GSTM2: variants seen among roughly 807,000 people sequenced by gnomAD.
GSTM2 encodes the protein glutathione S-transferase mu 2.
In GSTM2, 33 loss-of-function variants were observed where a neutral mutation model predicts 33.3. The observed-to-expected ratio is 0.99, with a 90% confidence interval of 0.75 to 1.33. GSTM2 has a LOEUF of 1.33. Among genes scored for constraint, GSTM2 ranks in the 40% most tolerant of loss-of-function variants. The pLI, the probability that GSTM2 is intolerant of heterozygous loss-of-function variation, is 0.00. For missense variants in GSTM2, 213 were observed against 265.8 expected, an observed-to-expected ratio of 0.80 and a Z score of 1.38; for synonymous variants, 93 against 95.6, an observed-to-expected ratio of 0.97 and a Z score of 0.16.
downstream of GSTM2, among the ~76,000 whole-genome samples, chr1:109,676,176 C>T (rs1570631759): frequency 4.6e-5 from 7 of 152,286 alleles, 1 homozygote; most frequent in East Asian, 1.4e-3. Context: ...GGGATTATTA[C>T]AATTCAAGGT....
chr1:109,678,144 C>T (rs1647750804), downstream of GSTM2, among the ~76,000 whole-genome samples: 1 of 152,060 alleles, frequency 6.6e-6, no homozygotes, highest in African/African-American at 2.4e-5. Context: ...TTCTCTTTAA[C>T]ATTTTACTTC....
At chr1:109,669,963 C>T (rs1319856697) in intron 5 of GSTM2, 2 of 180,182 alleles carry the variant, frequency 1.1e-5, no homozygotes, top group East Asian at 2.8e-4. Flanking sequence ...AATGTTATAG[C>T]TCATAAAGGT....
intron 5 of GSTM2, 99 bp from the exon 6 acceptor site, chr1:109,671,188 G>T: frequency 6.2e-6 from 5 of 800,846 alleles, no homozygotes. Flanking sequence ...GAAGATGACT[G>T]CTTGCCCGCG....
intron 7 of GSTM2, among the ~76,000 whole-genome samples, chr1:109,674,077 C>T (rs1033806958): frequency 4.6e-5 from 7 of 152,156 alleles, no homozygotes; most frequent in African/African-American, 1.7e-4. Flanking sequence ...AGCCTAGTCT[C>T]GCCTTTGATT....
chr1:109,673,062 G>T (rs148093404), intron 7 of GSTM2: 9 of 902,912 alleles, frequency 1.0e-5, no homozygotes, highest in Admixed American at 2.1e-5. Context: ...TAGAGATGGG[G>T]TTTTGCTATG....
chr1:109,678,770 A>G (rs1356431023), downstream of GSTM2, among the ~76,000 whole-genome samples: 1 of 152,004 alleles, frequency 6.6e-6, no homozygotes, highest in East Asian at 1.9e-4. Flanking sequence ...AAAAAAAAAA[A>G]AAAAACAAAC....
downstream of GSTM2, among the ~76,000 whole-genome samples, chr1:109,678,992 G>A (rs537290082): frequency 1.8e-4 from 28 of 152,142 alleles, no homozygotes; most frequent in South Asian, 3.7e-3. Flanking sequence ...TCCCCAAAGC[G>A]CTTACTACAA....
rs538541961 is a variant in GSTM2 at position 109,674,189 on chromosome 1, G to A, written c.568-558G>A. On this transcript the variant is annotated intron_variant, in intron 7 of 7. Transcript: ENST00000241337. ...CTTTGTTCTGCTGGAGGTCCCTTCT[G>A]TGTCTCTATACCCAGACAAGCCAAG... Among the ~76,000 whole-genome samples the A allele has an allele frequency of 3.3e-5, 5 of 152,218 alleles. No homozygotes were observed. In the East Asian group the frequency reaches 7.7e-4, roughly 24 times the overall value.
intron 7 of GSTM2, among the ~76,000 whole-genome samples, 153 bp downstream of exon 7, chr1:109,671,736 G>A (rs1372315696): frequency 6.6e-6 from 1 of 152,176 alleles, no homozygotes; most frequent in Admixed American, 6.5e-5. Context: ...GGAGGCTGAG[G>A]GAGGCAGATC....
At chr1:109,668,802 T>C in intron 2 of GSTM2, 123 bp from the exon 3 acceptor site, 1 of 1,137,130 alleles carries the variant, frequency 8.8e-7, no homozygotes, top group Non-Finnish European at 1.3e-6. Context: ...GATGTGGGAC[T>C]GAGTGGTCAG....
downstream of GSTM2, among the ~76,000 whole-genome samples, chr1:109,676,738 T>C (rs1336058217): frequency 1.3e-5 from 2 of 152,208 alleles, no homozygotes; most frequent in Non-Finnish European, 2.9e-5. Context: ...GGTTGATCTC[T>C]TCTTGATTCA....
At chr1:109,668,809 T>A in intron 2 of GSTM2, 116 bp from the exon 3 acceptor site, 1 of 1,220,312 alleles carries the variant, frequency 8.2e-7, no homozygotes. Context: ...GACTGAGTGG[T>A]CAGATTCTAG....
chr1:109,671,973 G>GAAAAAAAAAAAAAAAA (rs34285855), intron 7 of GSTM2, among the ~76,000 whole-genome samples: 1 of 76,386 alleles, frequency 1.3e-5, no homozygotes, highest in Non-Finnish European at 2.4e-5. Flanking sequence ...TCCATCTCAA[G>GAAAAAAAAAAAAAAAA]AAAAAAAAAA....
intron 2 of GSTM2, 39 bp from the exon 3 acceptor site, chr1:109,668,886 T>C (rs403337): frequency 1.2e-4 from 192 of 1,610,832 alleles, no homozygotes; most frequent in Middle Eastern, 2.2e-4. Context: ...GGGCTGGGCT[T>C]TGGGGAGGTT....
Position 109,669,284 on chromosome 1 carries a change from A to G in GSTM2, c.178-6A>G. The G allele has an allele frequency of 1.9e-6, 3 of 1,614,004 alleles. No individual in the cohort carries two copies. Among genetic ancestry groups the G allele is most frequent in the South Asian group, 1.1e-5 (1 of 91,072 alleles). The stretch of plus-strand genomic sequence containing the variant: ...ACTGAGCTTCCCCGGTTTCCCATCT[A>G]TCCAGCTGCCCTACTTGATTGATGG... On this transcript the variant is annotated splice_region_variant and splice_polypyrimidine_tract_variant and intron_variant, in intron 3 of 7. Coordinates refer to ENST00000241337, the MANE Select transcript of GSTM2 (RefSeq NM_000848.4).
intron 5 of GSTM2, among the ~76,000 whole-genome samples, chr1:109,670,502 AC>A (rs1196024870): frequency 6.6e-6 from 1 of 151,686 alleles, no homozygotes; most frequent in Non-Finnish European, 1.5e-5. Flanking sequence ...GTCAAATAAA[AC>A]CTCTAAATCA....
chr1:109,673,859 A>G (rs1647628384), intron 7 of GSTM2, among the ~76,000 whole-genome samples: 1 of 152,166 alleles, frequency 6.6e-6, no homozygotes, highest in African/African-American at 2.4e-5. Flanking sequence ...TCGGCCTTCC[A>G]AAGTGCTGGG....
rs746783959 is a variant in GSTM2 at position 109,669,260 on chromosome 1, C to A, written c.178-30C>A. On this transcript the variant is annotated intron_variant, in intron 3 of 7. Coordinates refer to ENST00000241337, the MANE Select transcript of GSTM2 (RefSeq NM_000848.4). The stretch of plus-strand genomic sequence containing the variant: ...GATGCTGGGGAGCCTGGTGGCCCAA[C>A]TGAGCTTCCCCGGTTTCCCATCTAT... 11 of 1,613,662 alleles carry A rather than the reference C, an allele frequency of 6.8e-6. No individual in the cohort carries two copies. The East Asian group carries it at 2.2e-4, about 33-fold the overall frequency.
At chr1:109,673,208 C>A in intron 7 of GSTM2, 2 of 1,611,828 alleles carry the variant, frequency 1.2e-6, no homozygotes, top group South Asian at 1.1e-5. Context: ...TCCAGGTGTT[C>A]CCCCTGTGAG....
Sources: gnomAD v4.1 joint callset for allele counts (sites outside exome capture counted in the v4.1 genomes callset) on GRCh38, gnomAD v4.1.1 for gene constraint, MANE v1.5 for transcripts, NCBI Gene and HGNC (gene_info 2026-07-23, HGNC 2026-07-21) for gene names.